Variants in LOXL2 observed in about 807,000 individuals in gnomAD.
LOXL2 encodes lysyl oxidase like 2.
A neutral mutation model predicts 93.0 loss-of-function variants in LOXL2; 70 were observed. That is an observed-to-expected ratio of 0.75 (90% CI 0.62 to 0.92). LOXL2 has a LOEUF of 0.92. Ranked by LOEUF, LOXL2 falls within the 40% of genes least tolerant of loss-of-function variation. LOXL2 has a pLI of 0.00. For synonymous variants in LOXL2, 438 were observed against 413.2 expected, an observed-to-expected ratio of 1.06 and a Z score of -0.73; for missense variants, 973 against 1,054.9, an observed-to-expected ratio of 0.92 and a Z score of 1.08.
intron 4 of LOXL2, among the ~76,000 whole-genome samples, chr8:23,334,590 GA>G (rs1238657007): frequency 6.6e-6 from 1 of 152,038 alleles, no homozygotes; most frequent in African/African-American, 2.4e-5. Context: ...ATATCCTAAG[GA>G]AGCCCTTAGC....
At chr8:23,312,451 A>G (rs1190902072) in intron 9 of LOXL2, among the ~76,000 whole-genome samples, 3 of 134,924 alleles carry the variant, frequency 2.2e-5, no homozygotes, top group Non-Finnish European at 4.7e-5. Flanking sequence ...CTTATCCACC[A>G]TGATCAAGTG....
chr8:23,376,365 A>G (rs981497338), intron 1 of LOXL2, among the ~76,000 whole-genome samples: 1 of 152,190 alleles, frequency 6.6e-6, no homozygotes, highest in Non-Finnish European at 1.5e-5. Context: ...GGATTTTTGC[A>G]TCGATATTCA....
At chr8:23,312,965 A>T (rs1443125128) in intron 9 of LOXL2, among the ~76,000 whole-genome samples, 127 of 146,338 alleles carry the variant, frequency 8.7e-4, no homozygotes, top group Middle Eastern at 3.5e-3. Flanking sequence ...CAGGATACAA[A>T]ATCAATGTAC....
Position 23,303,280 on chromosome 8 carries a change from A to G in LOXL2, c.1996+2T>C. On this transcript the variant is annotated splice_donor_variant, in intron 11 of 13. Transcript: ENST00000389131. LOFTEE classifies it high-confidence loss of function. ...TCCCATCCCCCCACTCCGCTCAGAT[A>G]CCTCCTTCACATTCTGTGTCCTCCA... 1 of 1,595,562 alleles carries G rather than the reference A, an allele frequency of 6.3e-7. No homozygotes were observed. Among genetic ancestry groups the G allele is most frequent in the Non-Finnish European group, 8.6e-7 (1 of 1,163,834 alleles).
rs1479445205 is a variant in LOXL2, at chr8:23,368,271, A to G, written c.81T>C (p.Tyr27=). The G allele has an allele frequency of 1.2e-5, 19 of 1,613,830 alleles. No individual in the cohort carries two copies. Among genetic ancestry groups the G allele is most frequent in the Non-Finnish European group, 1.6e-5 (19 of 1,180,030 alleles). ...ALLSPLSLAQ[Y]DSWPHYPEYF... is the part of the protein sequence containing the mutation. ...ACTCGGGGTAATGGGGCCAGCTGTC[A>G]TACTGTGCCAGGCTCAGGGGGGACA... is the stretch of plus-strand genomic sequence containing the variant. The change falls in exon 2 of 14, where the codon TAT becomes TAC. Residue 27 remains tyrosine, a synonymous_variant. Transcript: ENST00000389131.
chr8:23,377,130 G>T (rs1485517139), intron 1 of LOXL2, among the ~76,000 whole-genome samples: 1 of 152,110 alleles, frequency 6.6e-6, no homozygotes, highest in African/African-American at 2.4e-5. Flanking sequence ...AGAGATTCTG[G>T]TATGTTGTGT....
chr8:23,336,418 G>C (rs985273026), intron 4 of LOXL2: 1 of 152,254 alleles, frequency 6.6e-6, no homozygotes, highest in Admixed American at 6.5e-5. Context: ...GCAGACGGAG[G>C]CCCACGGAGG....
intron 3 of LOXL2, among the ~76,000 whole-genome samples, chr8:23,349,630 G>A (rs1804058084): frequency 6.6e-6 from 1 of 151,120 alleles, no homozygotes; most frequent in African/African-American, 2.4e-5. Context: ...GTGACTCATT[G>A]AGTTCTTGGC....
In LOXL2 at chr8:23,305,021, T is replaced by A. The variant is rs1317516855; in HGVS notation, c.1881-1624A>T. On this transcript the variant is annotated intron_variant, in intron 10 of 13. Coordinates refer to ENST00000389131, the MANE Select transcript of LOXL2 (RefSeq NM_002318.3). ...CTCATGTTTCTGGGTAAAATGACGC[T>A]AAGCCCGGGTTCCACTGAGAACATT... Among the ~76,000 whole-genome samples the A allele has an allele frequency of 3.9e-5, 6 of 152,316 alleles. No individual in the cohort carries two copies. The East Asian group carries it at 9.6e-4, about 24-fold the overall frequency.
At chr8:23,355,027 C>T (rs867642244) in intron 3 of LOXL2, among the ~76,000 whole-genome samples, 1 of 142,130 alleles carries the variant, frequency 7.0e-6, no homozygotes, top group Non-Finnish European at 1.5e-5. Context: ...GGCACCATCT[C>T]GGCTCACTGC....
intron 1 of LOXL2, among the ~76,000 whole-genome samples, chr8:23,377,474 A>C (rs146021065): frequency 0.2 from 18,424 of 93,476 alleles, 2,726 homozygotes; most frequent in Admixed American, 0.26. Flanking sequence ...TGCAGAGCTG[A>C]GTTCAATCCT....
intron 1 of LOXL2, among the ~76,000 whole-genome samples, chr8:23,398,909 G>A (rs1224243038): frequency 6.6e-6 from 1 of 152,118 alleles, no homozygotes; most frequent in Non-Finnish European, 1.5e-5. Context: ...ACGGTAGAAG[G>A]GCTGCCAATA....
At chr8:23,319,846 T>C (rs1370923881) in intron 8 of LOXL2, 39 bp downstream of exon 8, 15 of 1,600,098 alleles carry the variant, frequency 9.4e-6, no homozygotes, top group Non-Finnish European at 1.2e-5. Context: ...TCAGACTGCA[T>C]GGGGGGTGAA....
intron 10 of LOXL2, among the ~76,000 whole-genome samples, chr8:23,307,953 G>GGAAGAAAAAAAAAA (rs58347035): frequency 1.2e-5 from 1 of 83,522 alleles, no homozygotes; most frequent in African/African-American, 4.7e-5. Flanking sequence ...GCTGCGATAT[G>GGAAGAAAAAAAAAA]AAAAAAAAAA....
At chr8:23,323,130 T>C (rs1479819801) in intron 6 of LOXL2, among the ~76,000 whole-genome samples, 3 of 152,240 alleles carry the variant, frequency 2.0e-5, no homozygotes, top group Non-Finnish European at 4.4e-5. Context: ...TCATAAATGA[T>C]GATGCTTCCA....
intron 12 of LOXL2, 37 bp downstream of exon 12, chr8:23,301,990 C>G: frequency 1.2e-6 from 2 of 1,612,208 alleles, no homozygotes; most frequent in East Asian, 4.5e-5. Context: ...TCCCCTCCTC[C>G]CCCTGCAGGG....
At chr8:23,354,949 A>ATATATATATT (rs1563200180) in intron 3 of LOXL2, among the ~76,000 whole-genome samples, 2 of 77,694 alleles carry the variant, frequency 2.6e-5, no homozygotes, top group Non-Finnish European at 4.7e-5. Flanking sequence ...ATATATATAT[A>ATATATATATT]TTTTTTTTTT....
intron 4 of LOXL2, among the ~76,000 whole-genome samples, chr8:23,335,440 G>A (rs1803773595): frequency 6.6e-6 from 1 of 152,020 alleles, no homozygotes; most frequent in African/African-American, 2.4e-5. Flanking sequence ...AAGAGTTTGT[G>A]AAATAAATAA....
At position 23,316,990 on chromosome 8, in the gene LOXL2, T is replaced by G; in HGVS notation, c.1595A>C (p.Gln532Pro). 1 of 1,613,874 alleles carries G rather than the reference T, an allele frequency of 6.2e-7. No homozygotes were observed. Among genetic ancestry groups the G allele is most frequent in the Admixed American group, 1.7e-5 (1 of 59,960 alleles). ...TCCGGCCCCGTACTGCACTCCGCCCTGGGGGCAGGCCACGTCCTCCCCGTC... is the reference window on the plus strand; with the variant it reads ...TCCGGCCCCGTACTGCACTCCGCCCGGGGGGCAGGCCACGTCCTCCCCGTC... ...RHDGEDVACPQGGVQYGAGVA... is the reference protein window; with the variant it reads ...RHDGEDVACPPGGVQYGAGVA... Residue 532 changes from glutamine (Q) to proline (P), a missense_variant, in exon 9 of 14, where the codon CAG becomes CCG. Coordinates refer to ENST00000389131, the MANE Select transcript of LOXL2 (RefSeq NM_002318.3).
Sources: allele counts gnomAD v4.1 joint callset (sites outside exome capture counted in the v4.1 genomes callset), GRCh38; gene constraint gnomAD v4.1.1; transcripts MANE v1.5; gene names NCBI Gene and HGNC (gene_info 2026-07-23, HGNC 2026-07-21).